Variants in CENPF observed in about 807,000 individuals in gnomAD.
CENPF encodes the protein AH antigen.
In CENPF, 214 loss-of-function variants were observed where a neutral mutation model predicts 307.3. That is an observed-to-expected ratio of 0.70 (90% CI 0.62 to 0.78). The LOEUF is 0.78. CENPF is among the 30% of genes least tolerant of loss of function. The probability of loss-of-function intolerance (pLI) is 0.00; values close to 1 mark genes in which losing one functional copy is unlikely to be tolerated. For synonymous variants in CENPF, 1,259 were observed against 1,270.6 expected (o/e 0.99, Z 0.19); for missense variants, 3,401 against 3,483.9 (o/e 0.98, Z 0.60).
intron 10 of CENPF, among the ~76,000 whole-genome samples, chr1:214,636,829 G>A (rs1657978260): frequency 6.6e-6 from 1 of 152,136 alleles, no homozygotes; most frequent in Admixed American, 6.5e-5. Context: ...AGCTTTATAT[G>A]ATTTTTCCCC....
Position 214,640,122 on chromosome 1 carries a change from C to G in CENPF, c.1784C>G (p.Ser595Cys). ...NDKLSKTEKE[S>C]KALLSALELK... The stretch of plus-strand genomic sequence containing the variant: ...AAGTTAAGCAAGACAGAGAAAGAGT[C>G]CAAAGCCTTGCTGAGTGCTTTAGAG... Residue 595 changes from serine (S) to cysteine (C), a missense_variant, in exon 12 of 20, where the codon TCC (serine) becomes TGC (cysteine). Physicochemically the swap from Ser to Cys is moderately radical, Grantham distance 112 (BLOSUM62 -1). Coordinates refer to ENST00000366955, the MANE Select transcript of CENPF (RefSeq NM_016343.4). 6.3e-7 allele frequency: 1 copy of G among 1,586,260 alleles called. No individual in the cohort carries two copies.
intron 13 of CENPF, among the ~76,000 whole-genome samples, chr1:214,647,640 T>C (rs1658349928): frequency 6.6e-6 from 1 of 152,318 alleles, no homozygotes; most frequent in Admixed American, 6.5e-5. Context: ...AGGTTTTTAA[T>C]GTGGCACCTA....
At chr1:214,630,745 T>C (rs763743445) in intron 9 of CENPF, 83 bp downstream of exon 9, 28 of 1,511,520 alleles carry the variant, frequency 1.9e-5, no homozygotes, top group Non-Finnish European at 2.4e-5. Flanking sequence ...AACTGACATA[T>C]GATACTTTCA....
chr1:214,622,757 A>G (rs1167096841), intron 7 of CENPF, among the ~76,000 whole-genome samples: 1 of 114,738 alleles, frequency 8.7e-6, no homozygotes, highest in Admixed American at 8.3e-5. Flanking sequence ...TCGTATATAT[A>G]GTTGGTCCAT....
chr1:214,608,731 A>G, intron 1 of CENPF: 1 of 1,597,610 alleles, frequency 6.3e-7, no homozygotes, highest in Non-Finnish European at 8.5e-7. Flanking sequence ...CTCAGTCACC[A>G]AGGAATAGGT....
rs566052000 is a variant in CENPF, at chr1:214,657,302, G to C, written c.8855G>C (p.Ser2952Thr). The change falls in exon 18 of 20, where the codon AGC becomes ACC. Residue 2952 changes from serine to threonine, a missense_variant. Coordinates refer to ENST00000366955, the MANE Select transcript of CENPF (RefSeq NM_016343.4). Reference protein sequence around the residue: ...GRGPTPATPESFSKKSKKAVM... With the variant: ...GRGPTPATPETFSKKSKKAVM... ...GGACCAACACCTGCTACCCCAGAGA[G>C]CTTTTCTAAAAAAAGCAAGAAAGCA... 10 of 1,614,038 alleles carry C rather than the reference G, an allele frequency of 6.2e-6. No homozygotes were observed. The South Asian group carries it at 1.1e-4, about 18-fold the overall frequency.
At chr1:214,651,497 AGGTG>A (rs1183409077) in intron 14 of CENPF, among the ~76,000 whole-genome samples, 1 of 152,162 alleles carries the variant, frequency 6.6e-6, no homozygotes, top group Non-Finnish European at 1.5e-5. Flanking sequence ...TGACCTTGCG[AGGTG>A]GTTGGGCTGG....
At chr1:214,661,695 C>A (rs968932464) in intron 19 of CENPF, among the ~76,000 whole-genome samples, 3 of 152,156 alleles carry the variant, frequency 2.0e-5, no homozygotes, top group Admixed American at 1.3e-4. Flanking sequence ...GCTTTGTGAT[C>A]AGTTCCAGAG....
At chr1:214,628,970 T>C (rs1457866653) in intron 7 of CENPF, 76 bp from the exon 8 acceptor site, 9 of 1,189,370 alleles carry the variant, frequency 7.6e-6, no homozygotes. Context: ...TATAGCAGTT[T>C]TTCTAAAACA....
chr1:214,604,986 TAA>T (rs1656984288), intron 1 of CENPF, among the ~76,000 whole-genome samples: 1 of 152,222 alleles, frequency 6.6e-6, no homozygotes, highest in Non-Finnish European at 1.5e-5. Context: ...ATTGTTTTGA[TAA>T]AAAGTTTCAT....
chr1:214,632,424 T>C (rs988208976), intron 9 of CENPF, 56 bp from the exon 10 acceptor site: 39 of 1,573,754 alleles, frequency 2.5e-5, no homozygotes, highest in Non-Finnish European at 3.2e-5. Context: ...GAATACATGA[T>C]TAATGAAAAA....
Position 214,643,301 on chromosome 1 carries a change from T to C in CENPF, c.4963T>C (p.Leu1655=), listed in dbSNP as rs1351118657. Reference sequence around the variant, plus strand: ...AGGTCTGGACTTAAGTTCTCGGTCTTTGCTTGGCATCGACACAGAAGATGT... The same window carrying C: ...AGGTCTGGACTTAAGTTCTCGGTCTCTGCTTGGCATCGACACAGAAGATGT... ...LQGLDLSSRS[L]LGIDTEDAIQ... is the part of the protein sequence containing the mutation. The change falls in exon 12 of 20, where the codon TTG becomes CTG. Residue 1655 remains leucine, a synonymous_variant. Coordinates refer to ENST00000366955, the MANE Select transcript of CENPF (RefSeq NM_016343.4). 5 of 1,507,506 alleles carry C rather than the reference T, an allele frequency of 3.3e-6. No homozygotes were observed. Among genetic ancestry groups the C allele is most frequent in the Middle Eastern group, 1.8e-4 (1 of 5,588 alleles). The allele number at this position is 1,507,506 out of a possible 1,614,324, so 93.4% of individuals were successfully genotyped here. A position where few individuals can be genotyped will look rare whatever the true frequency, so the allele number is the denominator to read the frequency against.
chr1:214,619,467 T>G (rs986388371), intron 5 of CENPF, among the ~76,000 whole-genome samples: 4 of 152,192 alleles, frequency 2.6e-5, no homozygotes, highest in Admixed American at 2.0e-4. Flanking sequence ...AATGTACACT[T>G]AATTATTTCC....
At chr1:214,630,461 A>G (rs966790372) in intron 8 of CENPF, 73 bp from the exon 9 acceptor site, 2 of 1,577,186 alleles carry the variant, frequency 1.3e-6, no homozygotes, top group Admixed American at 3.5e-5. Context: ...GCCTGTTAGG[A>G]TGCTCATGCC....
rs745523185 is a variant in CENPF at position 214,640,349 on chromosome 1, G to A, written c.2011G>A (p.Asp671Asn). 2 of 1,613,924 alleles carry A rather than the reference G, an allele frequency of 1.2e-6. No individual in the cohort carries two copies. Among genetic ancestry groups the A allele is most frequent in the Non-Finnish European group, 8.5e-7 (1 of 1,180,000 alleles). Reference sequence around the variant, plus strand: ...CGAGAGAGTAAGAACGCTGGAGATGGACAGAGAAAACCTAAGTGTCGAGAT... The same window carrying A: ...CGAGAGAGTAAGAACGCTGGAGATGAACAGAGAAAACCTAAGTGTCGAGAT... ...YNERVRTLEMDRENLSVEIRN... is the reference protein window; with the variant it reads ...YNERVRTLEMNRENLSVEIRN... The change falls in exon 12 of 20, where the codon GAC becomes AAC. Residue 671 changes from aspartate to asparagine, a missense_variant. Physicochemically the swap from Asp to Asn is conservative, Grantham distance 23. Transcript: ENST00000366955.
At chr1:214,605,728 G>C in intron 1 of CENPF, 1 of 1,594,044 alleles carries the variant, frequency 6.3e-7, no homozygotes, top group Non-Finnish European at 8.5e-7. Context: ...GGCCCTCCAG[G>C]TACTGGCTGT....
In CENPF at chr1:214,637,915, C is replaced by T. The variant is rs1658006617; in HGVS notation, c.1496C>T (p.Ala499Val). The change falls in exon 11 of 20, where the codon GCC becomes GTC. Residue 499 changes from alanine to valine, a missense_variant. Ala to Val is a moderately conservative substitution (Grantham distance 64). Transcript: ENST00000366955. ...CTTAAGAGTCACTCTGAGCAAAAGG[C>T]CAGAGAAGTCTGCCACCTGGAGGCA... is the stretch of plus-strand genomic sequence containing the variant. ...NLLKSHSEQKAREVCHLEAEL... is the reference protein window; with the variant it reads ...NLLKSHSEQKVREVCHLEAEL... 1.2e-6 allele frequency: 2 copies of T among 1,613,146 alleles called. No individual in the cohort carries two copies. Among genetic ancestry groups the T allele is most frequent in the African/African-American group, 1.3e-5 (1 of 74,828 alleles).
At chr1:214,635,588 G>A (rs1194438060) in intron 10 of CENPF, among the ~76,000 whole-genome samples, 2 of 152,184 alleles carry the variant, frequency 1.3e-5, no homozygotes, top group African/African-American at 4.8e-5. Context: ...ATTGCTGATG[G>A]ATGGCAGCTT....
chr1:214,620,588 T>C (rs1413065807), intron 5 of CENPF, 67 bp from the exon 6 acceptor site: 8 of 1,458,902 alleles, frequency 5.5e-6, no homozygotes, highest in Non-Finnish European at 7.4e-6. Context: ...TTATATTCTA[T>C]CTGAAAATAA....
Sources: gnomAD v4.1 joint callset for allele counts (sites outside exome capture counted in the v4.1 genomes callset) on GRCh38, gnomAD v4.1.1 for gene constraint, MANE v1.5 for transcripts, NCBI Gene and HGNC (gene_info 2026-07-23, HGNC 2026-07-21) for gene names.